PTPN11: variants seen among roughly 807,000 people sequenced by gnomAD.
The protein encoded by PTPN11 is tyrosine-protein phosphatase non-receptor type 11.
Under a neutral mutation model 78.8 loss-of-function variants are expected in PTPN11, and 6 were observed. The observed-to-expected ratio is 0.08, with a 90% CI of 0.04 to 0.15. The LOEUF is 0.15. Among genes scored for constraint, PTPN11 ranks in the 10% least tolerant of loss-of-function variants. The pLI, the probability that PTPN11 is intolerant of heterozygous loss-of-function variation, is 1.00. For synonymous variants in PTPN11, 221 were observed against 263.5 expected, an observed-to-expected ratio of 0.84 and a Z score of 1.56; for missense variants, 386 against 744.8, an observed-to-expected ratio of 0.52 and a Z score of 5.61.
chr12:112,488,277 C>T (rs933072124), intron 11 of PTPN11, among the ~76,000 whole-genome samples, 166 bp from the exon 12 acceptor site: 1 of 152,128 alleles, frequency 6.6e-6, no homozygotes, highest in African/African-American at 2.4e-5. Context: ...GGGCTGACTC[C>T]AAAGCCCTAT....
intron 6 of PTPN11, among the ~76,000 whole-genome samples, chr12:112,461,291 C>T (rs534152510): frequency 2.1e-4 from 31 of 150,188 alleles, no homozygotes; most frequent in Non-Finnish European, 3.5e-4. Context: ...TTTTCATCGC[C>T]GAGGGTTGAT....
chr12:112,505,523 A>G (rs1260437671), intron 15 of PTPN11, among the ~76,000 whole-genome samples: 1 of 151,832 alleles, frequency 6.6e-6, no homozygotes, highest in African/African-American at 2.4e-5. Flanking sequence ...AAAAATAGAA[A>G]ATTAGCTGAG....
intron 6 of PTPN11, among the ~76,000 whole-genome samples, chr12:112,468,950 G>A (rs1487370817): frequency 6.6e-6 from 1 of 152,154 alleles, no homozygotes; most frequent in African/African-American, 2.4e-5. Flanking sequence ...TGTAGTCCCA[G>A]CCACTCAAGA....
At chr12:112,480,134 GTTC>G (rs1404473906) in intron 9 of PTPN11, among the ~76,000 whole-genome samples, 1 of 152,158 alleles carries the variant, frequency 6.6e-6, no homozygotes, top group Non-Finnish European at 1.5e-5. Flanking sequence ...TAGCTAAAAT[GTTC>G]TTTTCAGGGT....
intron 1 of PTPN11, among the ~76,000 whole-genome samples, chr12:112,434,348 A>C (rs1205897079): frequency 5.9e-5 from 9 of 152,030 alleles, no homozygotes; most frequent in African/African-American, 2.2e-4. Flanking sequence ...AGTGGCTCAC[A>C]CCTGTAATCC....
rs1217281783 is a variant in PTPN11 at position 112,507,409 on chromosome 12, G to A, written c.*1617G>A. The A allele has an allele frequency of 1.3e-5, 2 of 152,584 alleles. No homozygotes were observed. The highest frequency in any genetic ancestry group is 4.8e-5 in the African/African-American group (2 of 41,444). 9.5% of individuals were successfully genotyped at this position (152,584 alleles called of 1,614,324 possible). On this transcript the variant is annotated 3_prime_UTR_variant, in exon 16 of 16. Transcript: ENST00000351677. The stretch of plus-strand genomic sequence containing the variant: ...TGGGGCATCCCCAGACTTGGGAAAC[G>A]TGACTCTTTCTTAATGCCACTGGGT...
chr12:112,505,298 T>A (rs1191728634), intron 15 of PTPN11, among the ~76,000 whole-genome samples: 1 of 152,146 alleles, frequency 6.6e-6, no homozygotes, highest in African/African-American at 2.4e-5. Context: ...GAAATTCATC[T>A]CTCCCATATG....
intron 13 of PTPN11, among the ~76,000 whole-genome samples, 195 bp from the exon 14 acceptor site, chr12:112,501,949 T>C (rs1174395577): frequency 1.3e-5 from 2 of 152,234 alleles, no homozygotes; most frequent in African/African-American, 4.8e-5. Flanking sequence ...AAAGTACTTT[T>C]CACTCCTACT....
At chr12:112,483,162 A>G (rs935351018) in intron 10 of PTPN11, among the ~76,000 whole-genome samples, 1 of 150,900 alleles carries the variant, frequency 6.6e-6, no homozygotes, top group African/African-American at 2.4e-5. Flanking sequence ...GCAGGAGTTT[A>G]GGGTTCATTT....
At chr12:112,488,334 T>C in intron 11 of PTPN11, 109 bp from the exon 12 acceptor site, 2 of 981,778 alleles carry the variant, frequency 2.0e-6, no homozygotes, top group Non-Finnish European at 3.3e-6. Flanking sequence ...ATTTTATAAA[T>C]AGCTCCAAAG....
intron 1 of PTPN11, among the ~76,000 whole-genome samples, chr12:112,440,919 A>G (rs1364386923): frequency 6.7e-6 from 1 of 148,886 alleles, no homozygotes; most frequent in Non-Finnish European, 1.5e-5. Context: ...AAGCAAATGA[A>G]TATTTCATTA....
chr12:112,447,681 G>A (rs1425605080), intron 2 of PTPN11, among the ~76,000 whole-genome samples: 1 of 151,702 alleles, frequency 6.6e-6, no homozygotes, highest in Non-Finnish European at 1.5e-5. Context: ...TGTATTTTTA[G>A]TAGAGATGGG....
At chr12:112,477,752 G>C (rs896568805) in intron 8 of PTPN11, 22 bp downstream of exon 8, 1 of 1,606,956 alleles carries the variant, frequency 6.2e-7, no homozygotes, top group South Asian at 1.1e-5. Context: ...TTTTCACAGT[G>C]TTTTCTGACC....
Position 112,502,125 on chromosome 12 carries a change from G to A in PTPN11, c.1600-19G>A. Reference sequence around the variant, plus strand: ...AAAATAACCATTGTCCCTCACATGTGCACTCTTCCAAATTTCAGAAAAGCA... The same window carrying A: ...AAAATAACCATTGTCCCTCACATGTACACTCTTCCAAATTTCAGAAAAGCA... On this transcript the variant is annotated intron_variant, in intron 13 of 15. Coordinates refer to ENST00000351677, the MANE Select transcript of PTPN11 (RefSeq NM_002834.5). The A allele has an allele frequency of 1.3e-6, 2 of 1,560,744 alleles. No homozygotes were observed. Among genetic ancestry groups the A allele is most frequent in the Non-Finnish European group, 8.8e-7 (1 of 1,132,256 alleles).
At chr12:112,426,918 T>A (rs956503732) in intron 1 of PTPN11, among the ~76,000 whole-genome samples, 2 of 152,174 alleles carry the variant, frequency 1.3e-5, no homozygotes, top group African/African-American at 4.8e-5. Flanking sequence ...ATTACAGGTG[T>A]GAGCCACTGC....
At chr12:112,475,636 CTG>C (rs2038490455) in intron 7 of PTPN11, among the ~76,000 whole-genome samples, 1 of 152,206 alleles carries the variant, frequency 6.6e-6, no homozygotes, top group Admixed American at 6.5e-5. Flanking sequence ...CATAGAAAAA[CTG>C]TGTGATTGGG....
chr12:112,430,002 A>T (rs1034200862), intron 1 of PTPN11, among the ~76,000 whole-genome samples: 2 of 152,108 alleles, frequency 1.3e-5, no homozygotes, highest in Non-Finnish European at 2.9e-5. Flanking sequence ...TGTAATGTAT[A>T]ATAGCCAACA....
At chr12:112,457,014 C>G (rs1490465430) in intron 6 of PTPN11, among the ~76,000 whole-genome samples, 1 of 152,018 alleles carries the variant, frequency 6.6e-6, no homozygotes, top group Admixed American at 6.6e-5. Context: ...CATGTGCCAT[C>G]ATGGTTTGCT....
chr12:112,495,107 C>G (rs2038798445), intron 13 of PTPN11, among the ~76,000 whole-genome samples: 1 of 152,132 alleles, frequency 6.6e-6, no homozygotes, highest in Admixed American at 6.5e-5. Flanking sequence ...AGAGTGAGTT[C>G]CTTATACCTT....
Sources: allele counts gnomAD v4.1 joint callset (sites outside exome capture counted in the v4.1 genomes callset), GRCh38; gene constraint gnomAD v4.1.1; transcripts MANE v1.5; gene names NCBI Gene and HGNC (gene_info 2026-07-23, HGNC 2026-07-21).